The following ATP8A1 variants were observed in gnomAD, a reference collection of about 807,000 sequenced individuals.
ATP8A1 encodes phospholipid-transporting ATPase IA.
In ATP8A1, 90 loss-of-function variants were observed where a neutral mutation model predicts 177.7. That is an observed-to-expected ratio of 0.51 (90% CI 0.43 to 0.60). The LOEUF (loss-of-function observed/expected upper bound fraction) is 0.60, where lower values mean the gene tolerates loss of function less well. Among genes scored for constraint, ATP8A1 ranks in the 20% least tolerant of loss-of-function variants. The pLI, the probability that ATP8A1 is intolerant of heterozygous loss-of-function variation, is 0.00. For missense variants in ATP8A1, 1,072 were observed against 1,392.8 expected (o/e 0.77, Z 3.67); for synonymous variants, 493 against 485.9 (o/e 1.01, Z -0.19).
rs185024905 is a variant in ATP8A1 at position 42,471,113 on chromosome 4, C to G, written c.2325-6037G>C. Reference sequence around the variant, plus strand: ...AAACTACAAAATATTGTTAACTCCTCTAGAAGCTCACCATCAACTTGTTAC... The same window carrying G: ...AAACTACAAAATATTGTTAACTCCTGTAGAAGCTCACCATCAACTTGTTAC... On this transcript the variant is annotated intron_variant, in intron 25 of 36. Coordinates refer to ENST00000381668, the MANE Select transcript of ATP8A1 (RefSeq NM_006095.2). Among the ~76,000 whole-genome samples, 327 of 152,266 alleles carry G rather than the reference C, an allele frequency of 2.1e-3. 5 individuals are homozygous for G. In the South Asian group the frequency reaches 0.023, roughly 11 times the overall value.
intron 20 of ATP8A1, among the ~76,000 whole-genome samples, chr4:42,537,604 C>T (rs1410701383): frequency 1.3e-5 from 2 of 152,164 alleles, no homozygotes; most frequent in Non-Finnish European, 2.9e-5. Flanking sequence ...AAACCAGTAG[C>T]TCTGCTATAC....
At chr4:42,435,448 A>AG (rs1715843623) in intron 33 of ATP8A1, among the ~76,000 whole-genome samples, 1 of 55,952 alleles carries the variant, frequency 1.8e-5, no homozygotes, top group Non-Finnish European at 3.7e-5. Context: ...AAAAAAAAAA[A>AG]ACAAAAAAAA....
intron 20 of ATP8A1, among the ~76,000 whole-genome samples, chr4:42,533,843 C>G (rs935140171): frequency 6.6e-6 from 1 of 152,166 alleles, no homozygotes; most frequent in Admixed American, 6.5e-5. Context: ...GATCATATCA[C>G]AGGGCTTTGT....
intron 15 of ATP8A1, among the ~76,000 whole-genome samples, chr4:42,566,800 C>T (rs1391494514): frequency 2.0e-5 from 3 of 152,182 alleles, no homozygotes; most frequent in Admixed American, 1.3e-4. Context: ...ACTCTCACAT[C>T]ATCTACTCGT....
chr4:42,562,470 G>A (rs915348047), intron 15 of ATP8A1: 1 of 152,940 alleles, frequency 6.5e-6, no homozygotes, highest in Non-Finnish European at 1.5e-5. Context: ...CATTGTTTTG[G>A]GGGAAAGTTC....
chr4:42,509,320 C>G (rs1724754712), intron 22 of ATP8A1, among the ~76,000 whole-genome samples: 1 of 152,202 alleles, frequency 6.6e-6, no homozygotes, highest in Non-Finnish European at 1.5e-5. Context: ...CATGGCTAAC[C>G]CCAACTATTT....
chr4:42,429,285 A>G (rs1714989723), intron 33 of ATP8A1, among the ~76,000 whole-genome samples: 1 of 152,318 alleles, frequency 6.6e-6, no homozygotes, highest in Admixed American at 6.5e-5. Flanking sequence ...GTGTGCATTA[A>G]AAGCTAAATA....
chr4:42,635,776 C>CATATAT (rs1489319364), intron 1 of ATP8A1, among the ~76,000 whole-genome samples: 24 of 37,198 alleles, frequency 6.5e-4, no homozygotes, highest in South Asian at 9.8e-4. Context: ...CACACACACA[C>CATATAT]ACACACATAT....
intron 14 of ATP8A1, among the ~76,000 whole-genome samples, chr4:42,573,144 T>C (rs1308299762): frequency 6.6e-6 from 1 of 152,212 alleles, no homozygotes; most frequent in Non-Finnish European, 1.5e-5. Context: ...TAGCTTTCTG[T>C]TCTGAAAATT....
chr4:42,610,246 T>C (rs1459410440), intron 5 of ATP8A1, among the ~76,000 whole-genome samples: 2 of 152,074 alleles, frequency 1.3e-5, no homozygotes, highest in Non-Finnish European at 2.9e-5. Flanking sequence ...CAAGTATGAT[T>C]TCTCTTTGCA....
chr4:42,635,128 T>C (rs1301244846), intron 1 of ATP8A1, among the ~76,000 whole-genome samples: 1 of 152,190 alleles, frequency 6.6e-6, no homozygotes, highest in Admixed American at 6.5e-5. Context: ...ATAATAAATT[T>C]TGCCATATAA....
chr4:42,456,927 T>C (rs1718553324), intron 27 of ATP8A1, among the ~76,000 whole-genome samples: 1 of 152,160 alleles, frequency 6.6e-6, no homozygotes, highest in Non-Finnish European at 1.5e-5. Context: ...TATGAACAGG[T>C]TCTGTAGCCA....
intron 4 of ATP8A1, among the ~76,000 whole-genome samples, chr4:42,619,991 A>G (rs1414571038): frequency 6.6e-6 from 1 of 152,154 alleles, no homozygotes; most frequent in Non-Finnish European, 1.5e-5. Flanking sequence ...CGTGTCTTTG[A>G]GTAAGTGAAA....
At position 42,409,670 on chromosome 4, in the gene ATP8A1, T is replaced by C. The variant is rs1305829902; in HGVS notation, c.*3246A>G. 5 of 152,112 alleles carry C rather than the reference T, an allele frequency of 3.3e-5. No homozygotes were observed. Among genetic ancestry groups the C allele is most frequent in the African/African-American group, 7.2e-5 (3 of 41,458 alleles). 9.4% of individuals were successfully genotyped at this position (152,112 alleles called of 1,614,324 possible). On this transcript the variant is annotated 3_prime_UTR_variant, in exon 37 of 37. Coordinates refer to ENST00000381668, the MANE Select transcript of ATP8A1 (RefSeq NM_006095.2). ...ATTTAGCTTTGTAGTAATTATGACATTGTCATAATTTTAAAACTATGAATA... is the reference window on the plus strand; with the variant it reads ...ATTTAGCTTTGTAGTAATTATGACACTGTCATAATTTTAAAACTATGAATA...
intron 33 of ATP8A1, among the ~76,000 whole-genome samples, chr4:42,441,085 TC>T (rs1173997889): frequency 6.6e-6 from 1 of 152,130 alleles, no homozygotes; most frequent in African/African-American, 2.4e-5. Flanking sequence ...CCTCAAGTTC[TC>T]GGGGCTGCTC....
chr4:42,502,004 A>G (rs1362816343), intron 24 of ATP8A1, among the ~76,000 whole-genome samples: 2 of 152,182 alleles, frequency 1.3e-5, no homozygotes, highest in Non-Finnish European at 2.9e-5. Context: ...CTTAAAAAAT[A>G]TCAGATATGA....
intron 25 of ATP8A1, among the ~76,000 whole-genome samples, chr4:42,476,802 A>G (rs913154182): frequency 1.3e-5 from 2 of 152,282 alleles, no homozygotes; most frequent in Non-Finnish European, 1.5e-5. Context: ...CTACATCAAT[A>G]ATCAACAACA....
At chr4:42,571,808 T>C (rs1359845812) in intron 14 of ATP8A1, among the ~76,000 whole-genome samples, 3 of 152,352 alleles carry the variant, frequency 2.0e-5, no homozygotes, top group African/African-American at 7.2e-5. Context: ...AAGATAATCA[T>C]CATTGGCAAC....
At chr4:42,429,021 G>A (rs562986810) in intron 33 of ATP8A1, among the ~76,000 whole-genome samples, 1 of 152,144 alleles carries the variant, frequency 6.6e-6, no homozygotes, top group East Asian at 1.9e-4. Flanking sequence ...CCACCAAGCA[G>A]ATGTTCAATA....
Sources: allele counts gnomAD v4.1 joint callset (sites outside exome capture counted in the v4.1 genomes callset), GRCh38; gene constraint gnomAD v4.1.1; transcripts MANE v1.5; gene names NCBI Gene and HGNC (gene_info 2026-07-23, HGNC 2026-07-21).